AKAP13: variants seen among roughly 807,000 people sequenced by gnomAD.
The protein encoded by AKAP13 is A-kinase anchoring protein 13, also known as A-kinase anchor protein 13.
In AKAP13, 80 loss-of-function variants were observed where a neutral mutation model predicts 264.5. The ratio of observed to expected loss-of-function variants is 0.30; its 90% confidence interval spans 0.25 to 0.36. The LOEUF is 0.36. Ranked by LOEUF, AKAP13 falls within the 10% of genes least tolerant of loss-of-function variation. AKAP13 has a pLI of 1.00. For missense variants in AKAP13, 3,712 were observed against 3,435.2 expected (o/e 1.08, Z -2.01); for synonymous variants, 1,380 against 1,250.2 (o/e 1.10, Z -2.19).
At chr15:85,508,123 T>C (rs2076296086) in intron 2 of AKAP13, among the ~76,000 whole-genome samples, 1 of 152,046 alleles carries the variant, frequency 6.6e-6, no homozygotes, top group African/African-American at 2.4e-5. Flanking sequence ...GCCTCTCTTT[T>C]CCTCAGGCAC....
chr15:85,514,855 T>TG (rs2151133312), intron 2 of AKAP13, among the ~76,000 whole-genome samples: 1 of 135,868 alleles, frequency 7.4e-6, no homozygotes, highest in South Asian at 2.2e-4. Flanking sequence ...TTTTTTTTTT[T>TG]GGTACTGTAA....
intron 1 of AKAP13, among the ~76,000 whole-genome samples, chr15:85,421,080 ATT>A (rs2072498629): frequency 6.6e-6 from 1 of 152,238 alleles, no homozygotes; most frequent in Non-Finnish European, 1.5e-5. Flanking sequence ...GCAGGCGGTG[ATT>A]TTGTTTCATG....
intron 8 of AKAP13, among the ~76,000 whole-genome samples, chr15:85,617,840 T>C (rs1352267094): frequency 6.6e-6 from 1 of 152,268 alleles, no homozygotes; most frequent in Non-Finnish European, 1.5e-5. Context: ...TTTGGAAGTA[T>C]TTGTAAATCT....
At chr15:85,465,814 C>T (rs980828980) in intron 1 of AKAP13, among the ~76,000 whole-genome samples, 2 of 150,384 alleles carry the variant, frequency 1.3e-5, no homozygotes, top group East Asian at 2.0e-4. Context: ...AATAAACATA[C>T]GTGTGCATGT....
intron 30 of AKAP13, among the ~76,000 whole-genome samples, chr15:85,734,786 A>C (rs1236019424): frequency 3.3e-5 from 5 of 152,206 alleles, no homozygotes; most frequent in Non-Finnish European, 5.9e-5. Flanking sequence ...TTGCATATAA[A>C]GTGGAAGGTC....
At chr15:85,504,252 A>T (rs777528291) in intron 2 of AKAP13, among the ~76,000 whole-genome samples, 12 of 152,292 alleles carry the variant, frequency 7.9e-5, no homozygotes, top group Non-Finnish European at 1.3e-4. Flanking sequence ...GTAGCCGAGT[A>T]TAATCTTCAA....
chr15:85,688,081 T>C (rs1451196719), intron 16 of AKAP13, among the ~76,000 whole-genome samples: 1 of 150,176 alleles, frequency 6.7e-6, no homozygotes, highest in Non-Finnish European at 1.5e-5. Flanking sequence ...GGGGAAATAG[T>C]AAAGCAGTAT....
chr15:85,726,958 A>G, intron 27 of AKAP13, 108 bp from the exon 28 acceptor site: 11 of 1,235,520 alleles, frequency 8.9e-6, no homozygotes, highest in Non-Finnish European at 1.3e-5. Context: ...TTGTTTTTCA[A>G]ACTATGTGCT....
At chr15:85,510,126 T>A (rs2076370932) in intron 2 of AKAP13, among the ~76,000 whole-genome samples, 1 of 152,212 alleles carries the variant, frequency 6.6e-6, no homozygotes, top group East Asian at 1.9e-4. Context: ...GCTGCAATTG[T>A]TACCTTATGT....
intron 1 of AKAP13, among the ~76,000 whole-genome samples, chr15:85,476,577 A>G (rs1217765517): frequency 1.3e-5 from 2 of 152,178 alleles, no homozygotes; most frequent in Admixed American, 6.5e-5. Context: ...ATGTATTCTC[A>G]TTTTACAGAT....
intron 2 of AKAP13, among the ~76,000 whole-genome samples, chr15:85,496,376 T>C (rs2075874290): frequency 6.6e-6 from 1 of 152,180 alleles, no homozygotes; most frequent in Admixed American, 6.5e-5. Context: ...TAGATTAACT[T>C]GCTTCTCTGT....
intron 1 of AKAP13, among the ~76,000 whole-genome samples, chr15:85,460,340 C>T (rs558982311): frequency 3.3e-5 from 5 of 152,140 alleles, no homozygotes; most frequent in Admixed American, 6.5e-5. Context: ...ACACAGCCCC[C>T]GATACAGCTC....
chr15:85,383,494 T>C (rs1388274180), intron 1 of AKAP13, among the ~76,000 whole-genome samples: 1 of 152,242 alleles, frequency 6.6e-6, no homozygotes, highest in Non-Finnish European at 1.5e-5. Context: ...GGTACATTTT[T>C]ACATGACTTA....
At chr15:85,678,971 G>A (rs1371837264) in intron 14 of AKAP13, among the ~76,000 whole-genome samples, 1 of 152,048 alleles carries the variant, frequency 6.6e-6, no homozygotes, top group African/African-American at 2.4e-5. Flanking sequence ...CAGGCACAGT[G>A]GCTCATGCCT....
intron 1 of AKAP13, among the ~76,000 whole-genome samples, chr15:85,423,682 T>C (rs553639579): frequency 2.0e-5 from 3 of 152,344 alleles, no homozygotes; most frequent in African/African-American, 7.2e-5. Context: ...CTCCCCTGAA[T>C]TGTGAATGTT....
intron 2 of AKAP13, chr15:85,520,822 T>C (rs1432694118): frequency 6.5e-6 from 3 of 459,614 alleles, no homozygotes; most frequent in Non-Finnish European, 1.3e-5. Context: ...TTGTTTGTTG[T>C]GCAAACATCA....
chr15:85,525,472 T>G (rs1049003480), intron 3 of AKAP13, among the ~76,000 whole-genome samples: 1 of 152,212 alleles, frequency 6.6e-6, no homozygotes, highest in Non-Finnish European at 1.5e-5. Context: ...TAAATCCATC[T>G]TTGTGCTGAT....
chr15:85,463,063 A>G (rs1035914227), intron 1 of AKAP13, among the ~76,000 whole-genome samples: 1 of 151,206 alleles, frequency 6.6e-6, no homozygotes, highest in Non-Finnish European at 1.5e-5. Flanking sequence ...ATTTTACAGG[A>G]TAAGTTTAAT....
chr15:85,637,975 A>G (rs575003450), intron 8 of AKAP13, among the ~76,000 whole-genome samples: 57 of 142,166 alleles, frequency 4.0e-4, no homozygotes, highest in Admixed American at 3.4e-3. Context: ...TCCCGGGTTC[A>G]TGCCGTTCTG....
Sources: gnomAD v4.1 joint callset for allele counts (sites outside exome capture counted in the v4.1 genomes callset) on GRCh38, gnomAD v4.1.1 for gene constraint, MANE v1.5 for transcripts, NCBI Gene and HGNC (gene_info 2026-07-23, HGNC 2026-07-21) for gene names.